SLC41A2: variants seen among roughly 807,000 people sequenced by gnomAD.
SLC41A2 encodes SLC41A1-like 1.
Under a neutral mutation model 58.3 loss-of-function variants are expected in SLC41A2, and 32 were observed. The observed-to-expected ratio is 0.55, with a 90% CI of 0.41 to 0.74. The LOEUF is 0.74. Among genes scored for constraint, SLC41A2 ranks in the 30% least tolerant of loss-of-function variants. The probability of loss-of-function intolerance (pLI) is 0.00; values close to 1 mark genes in which losing one functional copy is unlikely to be tolerated. For synonymous variants in SLC41A2, 190 were observed against 235.0 expected, an observed-to-expected ratio of 0.81 and a Z score of 1.75; for missense variants, 514 against 680.6, an observed-to-expected ratio of 0.76 and a Z score of 2.72.
rs143078493 is a variant in SLC41A2 at position 104,826,106 on chromosome 12, T to C, written c.1536+18366A>G. Reference sequence around the variant, plus strand: ...GGAAGGGAAATGAGGGAAGCCTCTATTCCCTGTCTTTCAGAATGGGCAAAC... The same window carrying C: ...GGAAGGGAAATGAGGGAAGCCTCTACTCCCTGTCTTTCAGAATGGGCAAAC... On this transcript the variant is annotated intron_variant, in intron 10 of 10. Transcript: ENST00000258538. Among the ~76,000 whole-genome samples, 11 of 152,244 alleles carry C rather than the reference T, an allele frequency of 7.2e-5. No homozygotes were observed. In the East Asian group the frequency reaches 2.1e-3, roughly 30 times the overall value.
intron 1 of SLC41A2, among the ~76,000 whole-genome samples, chr12:104,942,415 C>G (rs1380236022): frequency 2.7e-5 from 4 of 150,268 alleles, no homozygotes; most frequent in Non-Finnish European, 5.9e-5. Flanking sequence ...GAAGTCGAAG[C>G]TGTAGTAAGC....
intron 6 of SLC41A2, among the ~76,000 whole-genome samples, chr12:104,877,391 C>CA (rs1159630116): frequency 1.3e-5 from 2 of 150,918 alleles, no homozygotes; most frequent in East Asian, 1.9e-4. Context: ...ATCTGTAACA[C>CA]AAAAAATATA....
At chr12:104,831,415 A>G (rs1034016559) in intron 10 of SLC41A2, among the ~76,000 whole-genome samples, 2 of 152,202 alleles carry the variant, frequency 1.3e-5, no homozygotes, top group Non-Finnish European at 2.9e-5. Context: ...CCATGATGTT[A>G]AAATACCCAC....
chr12:104,825,297 G>A (rs1235961581), intron 10 of SLC41A2, among the ~76,000 whole-genome samples: 1 of 152,136 alleles, frequency 6.6e-6, no homozygotes, highest in African/African-American at 2.4e-5. Flanking sequence ...GCAGGCAAAA[G>A]CCAAACCCAA....
At chr12:104,894,808 C>T (rs371713288) in intron 4 of SLC41A2, among the ~76,000 whole-genome samples, 12 of 151,960 alleles carry the variant, frequency 7.9e-5, no homozygotes, top group East Asian at 1.9e-4. Flanking sequence ...ATTCAGTGTA[C>T]GTGTAATTGG....
chr12:104,944,130 A>C (rs565159907), intron 1 of SLC41A2, among the ~76,000 whole-genome samples: 1 of 152,298 alleles, frequency 6.6e-6, no homozygotes, highest in Non-Finnish European at 1.5e-5. Flanking sequence ...GACCACGAAT[A>C]TCTCATAATT....
chr12:104,943,163 CA>C (rs1226679456), intron 1 of SLC41A2, among the ~76,000 whole-genome samples: 2 of 151,894 alleles, frequency 1.3e-5, no homozygotes, highest in African/African-American at 4.8e-5. Context: ...GGAAAAAAAG[CA>C]AAAACCTTCT....
intron 1 of SLC41A2, among the ~76,000 whole-genome samples, chr12:104,951,332 C>A (rs989788561): frequency 6.6e-6 from 1 of 152,138 alleles, no homozygotes; most frequent in Non-Finnish European, 1.5e-5. Context: ...AGATAAAATT[C>A]TCTGAGTGCT....
chr12:104,941,963 C>T (rs1476251634), intron 1 of SLC41A2, among the ~76,000 whole-genome samples: 1 of 152,156 alleles, frequency 6.6e-6, no homozygotes, highest in Non-Finnish European at 1.5e-5. Flanking sequence ...AGTTTTTATT[C>T]ATTCAAACAA....
chr12:104,879,872 A>G (rs2044272780), intron 6 of SLC41A2, among the ~76,000 whole-genome samples: 2 of 150,964 alleles, frequency 1.3e-5, no homozygotes, highest in South Asian at 2.1e-4. Context: ...ATCCCCATCA[A>G]TTTTCATGAT....
chr12:104,955,763 T>C (rs939589097), intron 1 of SLC41A2, among the ~76,000 whole-genome samples: 2 of 152,146 alleles, frequency 1.3e-5, no homozygotes, highest in Non-Finnish European at 2.9e-5. Context: ...GTGGTTTTTT[T>C]TTTTTTGGCC....
intron 1 of SLC41A2, among the ~76,000 whole-genome samples, chr12:104,929,947 G>A (rs1297051188): frequency 6.6e-6 from 1 of 152,238 alleles, no homozygotes; most frequent in Non-Finnish European, 1.5e-5. Context: ...AAGGGAGAAA[G>A]AGAAGGGGCT....
At chr12:104,901,292 T>C (rs1270571346) in intron 3 of SLC41A2, among the ~76,000 whole-genome samples, 1 of 151,974 alleles carries the variant, frequency 6.6e-6, no homozygotes, top group African/African-American at 2.4e-5. Flanking sequence ...CCTCAAACAA[T>C]AGAAAAACTC....
At chr12:104,853,917 T>TTTTTTTTTA (rs2042912545) in intron 8 of SLC41A2, among the ~76,000 whole-genome samples, 4 of 54,484 alleles carry the variant, frequency 7.3e-5, no homozygotes, top group African/African-American at 2.3e-4. Context: ...GCTGATTTTT[T>TTTTTTTTTA]TTTTTTTTTT....
chr12:104,896,994 C>T (rs2045317446), intron 3 of SLC41A2, among the ~76,000 whole-genome samples: 1 of 152,106 alleles, frequency 6.6e-6, no homozygotes, highest in South Asian at 2.1e-4. Flanking sequence ...CTTCAGGTGG[C>T]TTCACTGAGT....
intron 8 of SLC41A2, among the ~76,000 whole-genome samples, chr12:104,860,423 G>A (rs1455850898): frequency 6.7e-6 from 1 of 149,180 alleles, no homozygotes; most frequent in Admixed American, 6.7e-5. Context: ...CCACTTTAAT[G>A]ACAGTCACCC....
chr12:104,950,283 A>G (rs1223877654), intron 1 of SLC41A2, among the ~76,000 whole-genome samples: 1 of 152,164 alleles, frequency 6.6e-6, no homozygotes, highest in Non-Finnish European at 1.5e-5. Context: ...AGGTGGTTGG[A>G]TCATGGGGTT....
intron 8 of SLC41A2, among the ~76,000 whole-genome samples, chr12:104,852,413 A>T (rs1056779673): frequency 6.6e-6 from 1 of 152,174 alleles, no homozygotes; most frequent in Non-Finnish European, 1.5e-5. Flanking sequence ...TACAACTGCA[A>T]CTTCTCTTGA....
chr12:104,952,741 A>G (rs2048002193), intron 1 of SLC41A2, among the ~76,000 whole-genome samples: 1 of 152,166 alleles, frequency 6.6e-6, no homozygotes, highest in South Asian at 2.1e-4. Context: ...TGCTTTCACA[A>G]TCTACTAGTA....
Sources: allele counts gnomAD v4.1 joint callset (sites outside exome capture counted in the v4.1 genomes callset), GRCh38; gene constraint gnomAD v4.1.1; transcripts MANE v1.5; gene names NCBI Gene and HGNC (gene_info 2026-07-23, HGNC 2026-07-21).